The following ST6GALNAC1 variants were observed in gnomAD, a reference collection of about 807,000 sequenced individuals.
ST6GALNAC1 encodes ST6 N-acetylgalactosaminide alpha-2,6-sialyltransferase 1, also known as alpha-N-acetylgalactosaminide alpha-2,6-sialyltransferase 1.
Under a neutral mutation model 56.8 loss-of-function variants are expected in ST6GALNAC1, and 45 were observed. The ratio of observed to expected loss-of-function variants is 0.79; its 90% CI spans 0.62 to 1.02. ST6GALNAC1 has a LOEUF of 1.02. Ranked by LOEUF, ST6GALNAC1 falls within the 50% of genes least tolerant of loss-of-function variation. The pLI is 0.00. For missense variants in ST6GALNAC1, 743 were observed against 754.8 expected, an observed-to-expected ratio of 0.98 and a Z score of 0.18; for synonymous variants, 295 against 297.8, an observed-to-expected ratio of 0.99 and a Z score of 0.10.
At chr17:76,638,545 A>G (rs572330568) in intron 1 of ST6GALNAC1, among the ~76,000 whole-genome samples, 254 of 152,092 alleles carry the variant, frequency 1.7e-3, no homozygotes, top group African/African-American at 6.0e-3. Flanking sequence ...GGCAACCGCC[A>G]CCACGCCTGG....
chr17:76,620,565 T>A (rs1433165409), downstream of ST6GALNAC1, among the ~76,000 whole-genome samples: 1 of 150,022 alleles, frequency 6.7e-6, no homozygotes, highest in African/African-American at 2.5e-5. Context: ...TTTTGGTAAA[T>A]CTTTTCTTTG....
At chr17:76,638,681 G>A (rs2076008142) in intron 1 of ST6GALNAC1, among the ~76,000 whole-genome samples, 1 of 152,032 alleles carries the variant, frequency 6.6e-6, no homozygotes, top group Non-Finnish European at 1.5e-5. Context: ...CCCGGATTCA[G>A]GCAATTCTCC....
chr17:76,640,921 T>C (rs2076040492), intron 1 of ST6GALNAC1, among the ~76,000 whole-genome samples: 2 of 151,966 alleles, frequency 1.3e-5, no homozygotes, highest in African/African-American at 4.8e-5. Context: ...CAGATGTATG[T>C]AAAAAAAACC....
the ST6GALNAC1 span, among the ~76,000 whole-genome samples, chr17:76,618,638 G>T: frequency 2.0e-5 from 3 of 152,028 alleles, no homozygotes; most frequent in Admixed American, 6.6e-5. Context: ...AAAATTAGCC[G>T]GGCGTGGTGG....
At chr17:76,622,309 A>C (rs1244912975), downstream of ST6GALNAC1, among the ~76,000 whole-genome samples, 6 of 151,280 alleles carry the variant, frequency 4.0e-5, 2 homozygotes, top group Admixed American at 4.0e-4. Flanking sequence ...ATTTTCTCCC[A>C]CTTTTTAATT....
chr17:76,643,277 A>G (rs111889521), intron 1 of ST6GALNAC1, among the ~76,000 whole-genome samples: 1 of 152,226 alleles, frequency 6.6e-6, no homozygotes, highest in African/African-American at 2.4e-5. Flanking sequence ...GTCCCACAGT[A>G]TCTGGACATG....
At chr17:76,618,848 A>G in the ST6GALNAC1 span, among the ~76,000 whole-genome samples, 1 of 150,194 alleles carries the variant, frequency 6.7e-6, no homozygotes. Context: ...GGAGGCTGAG[A>G]TGGGAGGATC....
downstream of ST6GALNAC1, among the ~76,000 whole-genome samples, chr17:76,621,186 C>CTTTCTTTTTTTT (rs1555633325): frequency 9.1e-6 from 1 of 110,048 alleles, no homozygotes; most frequent in Non-Finnish European, 1.7e-5. Context: ...TTCTTTCTTT[C>CTTTCTTTTTTTT]TTTTTTTTTT....
At chr17:76,618,000 C>T in the ST6GALNAC1 span, among the ~76,000 whole-genome samples, 1 of 152,180 alleles carries the variant, frequency 6.6e-6, no homozygotes, top group Non-Finnish European at 1.5e-5. Context: ...CTGGGATGTT[C>T]CATCTTCCAG....
chr17:76,625,471 A>G lies in ST6GALNAC1; in HGVS notation c.1662T>C (p.Tyr554=), dbSNP rs2075783054. The change falls in exon 9 of 9, where the codon TAT becomes TAC. Residue 554 remains tyrosine, a synonymous_variant. Coordinates refer to ENST00000156626, the MANE Select transcript of ST6GALNAC1 (RefSeq NM_018414.5). ...AGATCAGCCGCTTCCATGATGTATC[A>G]TAGTAGTGATCAGAAAAGCGCTCAT... ...EGHERFSDHY[Y]DTSWKRLIFY... is the part of the protein sequence containing the mutation. 1 of 1,614,188 alleles carries G rather than the reference A, an allele frequency of 6.2e-7. No individual in the cohort carries two copies. Among genetic ancestry groups the G allele is most frequent in the Non-Finnish European group, 8.5e-7 (1 of 1,180,032 alleles).
At chr17:76,618,151 T>A in the ST6GALNAC1 span, among the ~76,000 whole-genome samples, 1 of 152,208 alleles carries the variant, frequency 6.6e-6, no homozygotes, top group African/African-American at 2.4e-5. Flanking sequence ...TGTTCACAGA[T>A]GAAAAGCAGG....
At position 76,625,315 on chromosome 17, in the gene ST6GALNAC1, C is replaced by T. The variant is rs1384237046; in HGVS notation, c.*15G>A. The T allele has an allele frequency of 6.2e-7, 1 of 1,610,574 alleles. No individual in the cohort carries two copies. The highest frequency in any genetic ancestry group is 1.1e-5 in the South Asian group (1 of 90,556). On this transcript the variant is annotated 3_prime_UTR_variant, in exon 9 of 9. Coordinates refer to ENST00000156626, the MANE Select transcript of ST6GALNAC1 (RefSeq NM_018414.5). Reference sequence around the variant, plus strand: ...CTTGGAGCAGGCAAGGAGACCATGGCAGCCCTGGCCCCGGTCAGTTCTTGG... The same window carrying T: ...CTTGGAGCAGGCAAGGAGACCATGGTAGCCCTGGCCCCGGTCAGTTCTTGG...
At chr17:76,631,594 A>G (rs1472073991) in intron 1 of ST6GALNAC1, among the ~76,000 whole-genome samples, 1 of 152,058 alleles carries the variant, frequency 6.6e-6, no homozygotes, top group Admixed American at 6.5e-5. Flanking sequence ...CCTCTGAATC[A>G]GCTTTCTTCT....
chr17:76,639,782 T>G (rs1334346376), intron 1 of ST6GALNAC1, among the ~76,000 whole-genome samples: 30 of 84,778 alleles, frequency 3.5e-4, no homozygotes, highest in African/African-American at 5.6e-4. Context: ...AGGTAGGGAG[T>G]GGGGGTGGGA....
Position 76,643,725 on chromosome 17 carries a change from G to T in ST6GALNAC1, c.-87C>A. On this transcript the variant is annotated 5_prime_UTR_variant, in exon 1 of 9. Transcript: ENST00000156626. ...GGGAGTCTCACCGCTCAGGTTTCCT[G>T]GCCAGGAAGTGCACACCCTTTGTCT... 7.1e-7 allele frequency: 1 copy of T among 1,400,056 alleles called. No homozygotes were observed. Among genetic ancestry groups the T allele is most frequent in the Non-Finnish European group, 9.9e-7 (1 of 1,007,360 alleles). The allele number at this position is 1,400,056 out of a possible 1,614,324, so 86.7% of individuals were successfully genotyped here.
At position 76,629,366 on chromosome 17, in the gene ST6GALNAC1, C is replaced by T. The variant is rs2075859686; in HGVS notation, c.477G>A (p.Gln159=). Residue 159 remains glutamine (Q), a synonymous_variant, in exon 2 of 9, where the codon CAG becomes CAA. Coordinates refer to ENST00000156626, the MANE Select transcript of ST6GALNAC1 (RefSeq NM_018414.5). ...GRTEAQSWKS[Q]DTKTTQGNGG... is the part of the protein sequence containing the mutation. ...CATTTCCTTGGGTCGTCTTTGTGTC[C>T]TGGCTCTTCCATGATTGTGCCTCTG... 6.2e-7 allele frequency: 1 copy of T among 1,614,052 alleles called. No homozygotes were observed. The highest frequency in any genetic ancestry group is 1.1e-5 in the South Asian group (1 of 91,086).
At position 76,643,513 on chromosome 17, in the gene ST6GALNAC1, A is replaced by C; in HGVS notation, c.126T>G (p.Pro42=). Residue 42 remains proline, a synonymous_variant, in exon 1 of 9, where the codon CCT becomes CCG. Coordinates refer to ENST00000156626, the MANE Select transcript of ST6GALNAC1 (RefSeq NM_018414.5). ...GGAAAGGACAAGAATCTTACCTGGA[A>C]GGCTTTGTTTGAGGCTCCTTAATAA... is the stretch of plus-strand genomic sequence containing the variant. ...PSFIKEPQTK[P]SRHQRTENIK... is the part of the protein sequence containing the mutation. The C allele has an allele frequency of 6.2e-7, 1 of 1,613,934 alleles. No individual in the cohort carries two copies.
At chr17:76,624,270 A>G (rs1384253874), downstream of ST6GALNAC1, among the ~76,000 whole-genome samples, 1 of 151,492 alleles carries the variant, frequency 6.6e-6, no homozygotes, top group Non-Finnish European at 1.5e-5. Flanking sequence ...TATTTTTTTG[A>G]GACGGAGTCT....
At position 76,627,689 on chromosome 17, in the gene ST6GALNAC1, G is replaced by T; in HGVS notation, c.832-106C>A. The T allele has an allele frequency of 3.9e-6, 4 of 1,016,100 alleles. No individual in the cohort carries two copies. Among genetic ancestry groups the T allele is most frequent in the Non-Finnish European group, 4.4e-6 (3 of 684,686 alleles). 62.9% of individuals were successfully genotyped at this position (1,016,100 alleles called of 1,614,324 possible). ...TGGGGCTCGCAGTTTGGAAGGCGCG[G>T]CCTCTGCTACCTCTTCCATTCTGTT... On this transcript the variant is annotated intron_variant, in intron 2 of 8. Coordinates refer to ENST00000156626, the MANE Select transcript of ST6GALNAC1 (RefSeq NM_018414.5). This position sits in a 1 kb window ranked among gnomAD's most constrained non-coding sequence, Gnocchi z 4.4.
Sources: gnomAD v4.1 joint callset for allele counts (sites outside exome capture counted in the v4.1 genomes callset) on GRCh38, gnomAD v4.1.1 for gene constraint, Gnocchi (gnomAD v3.1) non-coding constraint, MANE v1.5 for transcripts, NCBI Gene and HGNC (gene_info 2026-07-23, HGNC 2026-07-21) for gene names.